NKAIN3: variants seen among roughly 807,000 people sequenced by gnomAD.
NKAIN3 encodes sodium/potassium-transporting ATPase subunit beta-1-interacting protein 3.
NKAIN3 carries 25 observed loss-of-function variants against 30.2 expected under a neutral mutation model. The ratio of observed to expected loss-of-function variants is 0.83; its 90% CI spans 0.60 to 1.16. The LOEUF (loss-of-function observed/expected upper bound fraction) is 1.16, where lower values mean the gene tolerates loss of function less well. NKAIN3 is among the 50% of genes most tolerant of loss of function. The probability of loss-of-function intolerance (pLI) is 0.00; values close to 1 mark genes in which losing one functional copy is unlikely to be tolerated. For synonymous variants in NKAIN3, 91 were observed against 89.6 expected (o/e 1.02, Z -0.09); for missense variants, 225 against 254.1 (o/e 0.89, Z 0.78).
intron 4 of NKAIN3, among the ~76,000 whole-genome samples, chr8:62,838,255 G>T (rs968578401): frequency 3.3e-5 from 5 of 151,424 alleles, no homozygotes; most frequent in African/African-American, 9.7e-5. Flanking sequence ...TTAATTAAGA[G>T]AAATCATGTT....
intron 1 of NKAIN3, among the ~76,000 whole-genome samples, chr8:62,366,728 G>T (rs138081440): frequency 2.7e-5 from 4 of 150,916 alleles, no homozygotes; most frequent in Non-Finnish European, 2.9e-5. Flanking sequence ...TTCTTTCCTC[G>T]TACTAACTTT....
At chr8:62,634,589 A>C (rs541543651) in intron 3 of NKAIN3, among the ~76,000 whole-genome samples, 2 of 152,266 alleles carry the variant, frequency 1.3e-5, no homozygotes, top group East Asian at 3.9e-4. Flanking sequence ...TATTCTCAGA[A>C]AGTTTTGTCC....
At chr8:62,608,423 TC>T (rs1357512914) in intron 3 of NKAIN3, among the ~76,000 whole-genome samples, 6 of 152,120 alleles carry the variant, frequency 3.9e-5, no homozygotes, top group African/African-American at 1.4e-4. Flanking sequence ...ATTAAAGAAA[TC>T]AATAAAATAA....
intron 1 of NKAIN3, among the ~76,000 whole-genome samples, chr8:62,292,377 T>C (rs1167689768): frequency 6.6e-6 from 1 of 152,202 alleles, no homozygotes; most frequent in Non-Finnish European, 1.5e-5. Flanking sequence ...CTGGTACCAG[T>C]TGTTCCTTTC....
At chr8:62,347,701 T>G (rs995431028) in intron 1 of NKAIN3, among the ~76,000 whole-genome samples, 4 of 151,980 alleles carry the variant, frequency 2.6e-5, no homozygotes, top group Non-Finnish European at 1.5e-5. Context: ...TTTGAAAAAA[T>G]GTTAAAAAAT....
At chr8:62,595,568 A>G (rs1810800908) in intron 3 of NKAIN3, among the ~76,000 whole-genome samples, 1 of 150,860 alleles carries the variant, frequency 6.6e-6, no homozygotes, top group Non-Finnish European at 1.5e-5. Context: ...CTATTTCTTT[A>G]CCTCCTGTTT....
intron 3 of NKAIN3, among the ~76,000 whole-genome samples, chr8:62,591,054 T>G (rs1326810868): frequency 6.6e-6 from 1 of 151,942 alleles, no homozygotes; most frequent in Non-Finnish European, 1.5e-5. Context: ...CAAATGCAAA[T>G]CTTATGAATA....
At chr8:62,616,281 C>A (rs1343211028) in intron 3 of NKAIN3, among the ~76,000 whole-genome samples, 2 of 152,114 alleles carry the variant, frequency 1.3e-5, no homozygotes, top group Non-Finnish European at 2.9e-5. Context: ...GCCTACATCT[C>A]ATTCCAGCTA....
At position 62,736,331 on chromosome 8, in the gene NKAIN3, C is replaced by T. The variant is rs116058572; in HGVS notation, c.274-10601C>T. Among the ~76,000 whole-genome samples the T allele has an allele frequency of 5.3e-3, 807 of 152,284 alleles. 4 individuals are homozygous for T. The highest frequency in any genetic ancestry group is 0.018 in the African/African-American group (750 of 41,546). ...CGGATTAAGTGTGCCTGAGGTCAAA[C>T]TCTCCTTGGGCAAGTCTTGCTGTGG... is the stretch of plus-strand genomic sequence containing the variant. On this transcript the variant is annotated intron_variant, in intron 3 of 6. Coordinates refer to ENST00000623646, the MANE Select transcript of NKAIN3 (RefSeq NM_001304533.3).
intron 5 of NKAIN3, among the ~76,000 whole-genome samples, chr8:62,936,806 G>A (rs895725987): frequency 2.0e-5 from 3 of 151,884 alleles, no homozygotes; most frequent in Non-Finnish European, 4.4e-5. Flanking sequence ...TTCTTAACTC[G>A]TTATATATTT....
chr8:62,625,208 T>TAC (rs771983936), intron 3 of NKAIN3, among the ~76,000 whole-genome samples: 14 of 152,282 alleles, frequency 9.2e-5, no homozygotes, highest in South Asian at 8.3e-4. Flanking sequence ...CAGTGGCCTT[T>TAC]AGTAATGTAG....
intron 3 of NKAIN3, among the ~76,000 whole-genome samples, chr8:62,694,221 C>A (rs1291265707): frequency 1.3e-5 from 2 of 152,094 alleles, no homozygotes; most frequent in Admixed American, 1.3e-4. Context: ...ACCAAATTCT[C>A]CTCATTCATT....
intron 4 of NKAIN3, among the ~76,000 whole-genome samples, chr8:62,915,042 G>A (rs1050686234): frequency 1.3e-5 from 2 of 152,102 alleles, no homozygotes; most frequent in African/African-American, 2.4e-5. Flanking sequence ...GTGAGAACAT[G>A]AGATGTTTGG....
At chr8:62,312,890 G>T (rs1814495016) in intron 1 of NKAIN3, among the ~76,000 whole-genome samples, 2 of 151,666 alleles carry the variant, frequency 1.3e-5, no homozygotes, top group South Asian at 4.2e-4. Flanking sequence ...AAGGCTTATG[G>T]TCCCCAAGAA....
chr8:62,605,586 A>AAAAC (rs1217160860), intron 3 of NKAIN3, among the ~76,000 whole-genome samples: 6 of 152,054 alleles, frequency 3.9e-5, no homozygotes, highest in African/African-American at 1.4e-4. Flanking sequence ...ACTGCAGATC[A>AAAAC]AAACTATTTG....
At chr8:62,528,304 A>ATT (rs374872132) in intron 1 of NKAIN3, among the ~76,000 whole-genome samples, 4 of 96,010 alleles carry the variant, frequency 4.2e-5, no homozygotes, top group Non-Finnish European at 5.7e-5. Flanking sequence ...TATATATTAT[A>ATT]TTATATATAT....
intron 4 of NKAIN3, among the ~76,000 whole-genome samples, chr8:62,879,590 G>A (rs913678143): frequency 4.6e-5 from 7 of 152,116 alleles, no homozygotes; most frequent in African/African-American, 1.7e-4. Context: ...TTGTTGAACA[G>A]GAGGCATGCA....
At chr8:62,677,163 G>A (rs926866139) in intron 3 of NKAIN3, among the ~76,000 whole-genome samples, 11 of 152,304 alleles carry the variant, frequency 7.2e-5, no homozygotes, top group African/African-American at 2.4e-4. Flanking sequence ...CTACTGAGGT[G>A]CGTTCTCAGA....
In NKAIN3 at chr8:62,973,516, T is replaced by C. The variant is rs754123710; in HGVS notation, c.*8109T>C. Among the ~76,000 whole-genome samples the C allele has an allele frequency of 6.6e-6, 1 of 151,872 alleles. No homozygotes were observed. The highest frequency in any genetic ancestry group is 6.6e-5 in the Admixed American group (1 of 15,228). ...TTAACCCACTTTTTGATGGAGTTGT[T>C]TTTTTTCTTGTAAATTTGTTTAAGT... is the stretch of plus-strand genomic sequence containing the variant. On this transcript the variant is annotated 3_prime_UTR_variant, in exon 7 of 7. Coordinates refer to ENST00000623646, the MANE Select transcript of NKAIN3 (RefSeq NM_001304533.3).
Sources: allele counts gnomAD v4.1 joint callset (sites outside exome capture counted in the v4.1 genomes callset), GRCh38; gene constraint gnomAD v4.1.1; transcripts MANE v1.5; gene names NCBI Gene and HGNC (gene_info 2026-07-23, HGNC 2026-07-21).